FRYL: variants seen among roughly 807,000 people sequenced by gnomAD.
The protein encoded by FRYL is protein furry homolog-like.
FRYL carries 150 observed loss-of-function variants against 351.2 expected under a neutral mutation model. The observed-to-expected ratio is 0.43, with a 90% CI of 0.37 to 0.49. The LOEUF (loss-of-function observed/expected upper bound fraction) is 0.49, where lower values mean the gene tolerates loss of function less well. Among genes scored for constraint, FRYL ranks in the 20% least tolerant of loss-of-function variants. The pLI, the probability that FRYL is intolerant of heterozygous loss-of-function variation, is 0.00. For synonymous variants in FRYL, 1,153 were observed against 1,257.1 expected (o/e 0.92, Z 1.75); for missense variants, 3,036 against 3,619.3 (o/e 0.84, Z 4.13).
At chr4:48,538,963 C>T (rs1404100102) in intron 47 of FRYL, among the ~76,000 whole-genome samples, 1 of 152,074 alleles carries the variant, frequency 6.6e-6, no homozygotes, top group Non-Finnish European at 1.5e-5. Context: ...CCTTATTGTT[C>T]TTGAGAGGGG....
chr4:48,535,807 G>A lies in FRYL; in HGVS notation c.6414C>T (p.Cys2138=). 2.6e-6 allele frequency: 4 copies of A among 1,543,212 alleles called. No homozygotes were observed. Among genetic ancestry groups the A allele is most frequent in the South Asian group, 2.6e-5 (2 of 77,904 alleles). Residue 2138 remains cysteine, a synonymous_variant, in exon 48 of 64, where the codon TGC becomes TGT. Coordinates refer to ENST00000358350, the MANE Select transcript of FRYL (RefSeq NM_015030.2). Reference sequence around the variant, plus strand: ...TGTGTGCCAGATTGACAAGTGTTGGGCATTTTTCTTCTGCACAAACCTAGA... The same window carrying A: ...TGTGTGCCAGATTGACAAGTGTTGGACATTTTTCTTCTGCACAAACCTAGA... ...RIAKVCAEEK[C]PTLVNLAHMM... is the part of the protein sequence containing the mutation.
At position 48,752,487 on chromosome 4, in the gene FRYL, C is replaced by T. The variant is rs533251040; in HGVS notation, c.-384+27591G>A. Among the ~76,000 whole-genome samples the T allele has an allele frequency of 3.2e-4, 48 of 152,338 alleles. 1 individual carries two copies. In the South Asian group the frequency reaches 8.7e-3, roughly 28 times the overall value. ...AATTCTGCCTTGGCATTTGCTTCAA[C>T]AATTAACAATGAATGTTACATTTCC... On this transcript the variant is annotated intron_variant, in intron 1 of 63. Transcript: ENST00000358350.
chr4:48,698,012 A>G (rs2149570841), intron 2 of FRYL, among the ~76,000 whole-genome samples: 1 of 152,276 alleles, frequency 6.6e-6, no homozygotes, highest in East Asian at 1.9e-4. Flanking sequence ...CTGGGGATCA[A>G]CCTAAGCTCC....
intron 1 of FRYL, among the ~76,000 whole-genome samples, chr4:48,766,640 T>A (rs1774979769): frequency 6.6e-6 from 1 of 152,138 alleles, no homozygotes; most frequent in South Asian, 2.1e-4. Context: ...ACAGGATGCA[T>A]CTCAAAACCA....
intron 4 of FRYL, among the ~76,000 whole-genome samples, chr4:48,631,580 C>G (rs1406776109): frequency 6.6e-6 from 1 of 151,946 alleles, no homozygotes; most frequent in African/African-American, 2.4e-5. Flanking sequence ...GCCACAGATA[C>G]AGAGATGAGA....
At chr4:48,698,493 T>C (rs1270104708) in intron 2 of FRYL, among the ~76,000 whole-genome samples, 1 of 152,134 alleles carries the variant, frequency 6.6e-6, no homozygotes. Flanking sequence ...GTCCCAAAAG[T>C]GGTTATCTTG....
chr4:48,557,828 C>A, intron 33 of FRYL, 116 bp from the exon 34 acceptor site: 3 of 1,134,468 alleles, frequency 2.6e-6, no homozygotes, highest in Non-Finnish European at 3.7e-6. Flanking sequence ...TTACACTTAA[C>A]AATTATGAGT....
rs1728483532 is a variant in FRYL at position 48,534,688 on chromosome 4, A to G, written c.6565-3T>C. ...CTGGACAATCCTTTCTCTAACAGCT[A>G]AAAATAATGTTAAAAGTAATATTAA... On this transcript the variant is annotated splice_region_variant and splice_polypyrimidine_tract_variant and intron_variant, in intron 48 of 63. Coordinates refer to ENST00000358350, the MANE Select transcript of FRYL (RefSeq NM_015030.2). The G allele has an allele frequency of 1.3e-6, 2 of 1,501,752 alleles. No homozygotes were observed. Among genetic ancestry groups the G allele is most frequent in the Non-Finnish European group, 1.8e-6 (2 of 1,093,532 alleles). The allele number at this position is 1,501,752 out of a possible 1,614,324, so 93.0% of individuals were successfully genotyped here.
At position 48,505,631 on chromosome 4, in the gene FRYL, A is replaced by T. The variant is rs762903008; in HGVS notation, c.8395-16T>A. On this transcript the variant is annotated splice_polypyrimidine_tract_variant and intron_variant, in intron 59 of 63. Coordinates refer to ENST00000358350, the MANE Select transcript of FRYL (RefSeq NM_015030.2). ...CATCTAGCCACTAAAAATAAGTAAC[A>T]GTAACGTTTAATATGCACAGTAAAA... is the stretch of plus-strand genomic sequence containing the variant. The T allele has an allele frequency of 6.4e-7, 1 of 1,562,220 alleles. No homozygotes were observed. The highest frequency in any genetic ancestry group is 8.8e-7 in the Non-Finnish European group (1 of 1,136,570).
chr4:48,501,839 T>G, intron 61 of FRYL, 106 bp from the exon 62 acceptor site: 1 of 723,494 alleles, frequency 1.4e-6, no homozygotes, highest in Non-Finnish European at 2.4e-6. Context: ...TTTTCTGCAG[T>G]AAGGAAGTTA....
At chr4:48,558,831 A>C (rs924261960) in intron 33 of FRYL, among the ~76,000 whole-genome samples, 1 of 152,220 alleles carries the variant, frequency 6.6e-6, no homozygotes, top group African/African-American at 2.4e-5. Flanking sequence ...TTCAAACCAC[A>C]AGGACAATTC....
chr4:48,546,183 G>A lies in FRYL; in HGVS notation c.5163C>T (p.Ser1721=), dbSNP rs1207223444. The A allele has an allele frequency of 6.8e-6, 11 of 1,613,576 alleles. No individual in the cohort carries two copies. Among genetic ancestry groups the A allele is most frequent in the Non-Finnish European group, 9.3e-6 (11 of 1,179,788 alleles). ...LSSSSTSSSI[S]LGNNSAAISH... Reference sequence around the variant, plus strand: ...AAATGGCAGCACTGTTATTTCCTAAGCTGATACTAGAAGAGGTAGAACTTG... The same window carrying A: ...AAATGGCAGCACTGTTATTTCCTAAACTGATACTAGAAGAGGTAGAACTTG... The change falls in exon 42 of 64, where the codon AGC becomes AGT. Residue 1721 remains serine (S), a synonymous_variant. Transcript: ENST00000358350.
intron 25 of FRYL, 110 bp downstream of exon 25, chr4:48,575,007 C>A: frequency 3.5e-6 from 3 of 864,138 alleles, no homozygotes; most frequent in Admixed American, 2.7e-5. Context: ...GCCTGGTATG[C>A]GGTCAAGCAC....
At chr4:48,585,105 G>A (rs1259568035) in intron 19 of FRYL, among the ~76,000 whole-genome samples, 1 of 152,176 alleles carries the variant, frequency 6.6e-6, no homozygotes, top group African/African-American at 2.4e-5. Context: ...CCACAAAGAT[G>A]TAGATGAGTT....
chr4:48,598,990 T>C (rs181647743), intron 13 of FRYL: 1 of 275,580 alleles, frequency 3.6e-6, no homozygotes, highest in Non-Finnish European at 5.5e-6. Context: ...TAGAAGAAAT[T>C]TGAAATGTCC....
intron 49 of FRYL, among the ~76,000 whole-genome samples, chr4:48,534,225 CA>C (rs1728376635): frequency 6.6e-6 from 1 of 152,118 alleles, no homozygotes; most frequent in South Asian, 2.1e-4. Context: ...GACTCCTTCT[CA>C]AAACAAAAAC....
chr4:48,544,653 CATTAATAA>C, intron 43 of FRYL, 122 bp downstream of exon 43: 1 of 658,442 alleles, frequency 1.5e-6, no homozygotes, highest in South Asian at 3.7e-5. Flanking sequence ...GATCTGTTAT[CATTAATAA>C]ATTAAAAGTC....
At chr4:48,619,774 A>G (rs1750281869) in intron 6 of FRYL, among the ~76,000 whole-genome samples, 1 of 152,148 alleles carries the variant, frequency 6.6e-6, no homozygotes, top group African/African-American at 2.4e-5. Flanking sequence ...AGCAGATTAC[A>G]AGCATAAGTC....
intron 3 of FRYL, among the ~76,000 whole-genome samples, chr4:48,658,238 T>C (rs991193416): frequency 6.6e-6 from 1 of 152,180 alleles, no homozygotes; most frequent in Non-Finnish European, 1.5e-5. Context: ...AGTACACATG[T>C]ATGAATTATT....
Sources: allele counts gnomAD v4.1 joint callset (sites outside exome capture counted in the v4.1 genomes callset), GRCh38; gene constraint gnomAD v4.1.1; transcripts MANE v1.5; gene names NCBI Gene and HGNC (gene_info 2026-07-23, HGNC 2026-07-21).